Variants in KBTBD8 observed in about 807,000 individuals in gnomAD.
KBTBD8 encodes kelch repeat and BTB domain containing 8.
Under a neutral mutation model 53.5 loss-of-function variants are expected in KBTBD8, and 31 were observed. That is an observed-to-expected ratio of 0.58 (90% CI 0.44 to 0.78). KBTBD8 has a LOEUF of 0.78. Ranked by LOEUF, KBTBD8 falls within the 30% of genes least tolerant of loss-of-function variation. The pLI is 0.00. For synonymous variants in KBTBD8, 250 were observed against 247.3 expected (o/e 1.01, Z -0.10); for missense variants, 642 against 735.8 (o/e 0.87, Z 1.48).
At chr3:67,002,597 G>A (rs960170483) in intron 2 of KBTBD8, among the ~76,000 whole-genome samples, 6 of 145,338 alleles carry the variant, frequency 4.1e-5, no homozygotes, top group African/African-American at 1.5e-4. Context: ...CCGCCTTCCG[G>A]GTTCAAGCGA....
rs779419661 is a variant in KBTBD8, at chr3:67,008,451, G to C, written c.*66G>C. On this transcript the variant is annotated 3_prime_UTR_variant, in exon 4 of 4. Transcript: ENST00000417314. ...TAGGAAACTTGTCTTTGATACAAAA[G>C]AGTGCTGACAGTATTTCAGAAAGCT... 9 of 1,117,764 alleles carry C rather than the reference G, an allele frequency of 8.1e-6. No homozygotes were observed. The highest frequency in any genetic ancestry group is 1.2e-5 in the Non-Finnish European group (9 of 777,872). 69.2% of individuals were successfully genotyped at this position (1,117,764 alleles called of 1,614,324 possible). A position where few individuals can be genotyped will look rare whatever the true frequency, so the allele number is the denominator to read the frequency against.
At position 67,003,273 on chromosome 3, in the gene KBTBD8, T is replaced by C; in HGVS notation, c.306T>C (p.Asp102=). 1 of 1,614,088 alleles carries C rather than the reference T, an allele frequency of 6.2e-7. No individual in the cohort carries two copies. The highest frequency in any genetic ancestry group is 8.5e-7 in the Non-Finnish European group (1 of 1,179,956). Residue 102 remains aspartate (D), a synonymous_variant, in exon 3 of 4, where the codon GAT becomes GAC. Coordinates refer to ENST00000417314, the MANE Select transcript of KBTBD8 (RefSeq NM_032505.3). Reference sequence around the variant, plus strand: ...TTGGTGTTGAAGCTGAATCGATGGATTTAGTGTTGAACTATGCCTACACTT... The same window carrying C: ...TTGGTGTTGAAGCTGAATCGATGGACTTAGTGTTGAACTATGCCTACACTT... ...RIVGVEAESM[D]LVLNYAYTSR... is the part of the protein sequence containing the mutation.
In KBTBD8 at chr3:67,004,299, T is replaced by C. The variant is rs148572675; in HGVS notation, c.1332T>C (p.Tyr444=). 1.6e-4 allele frequency: 266 copies of C among 1,612,880 alleles called. 1 individual carries two copies. In the African/African-American group the frequency reaches 3.1e-3, roughly 19 times the overall value. ...CTGTGGAGTACAAAGAGAAGATCTA[T>C]GTTTTACAGGGTAGGTGCCTAAGTG... ...HNAVEYKEKI[Y]VLQGEFFLFY... Residue 444 remains tyrosine, a synonymous_variant, in exon 3 of 4, where the codon TAT becomes TAC. Transcript: ENST00000417314.
rs1168376159 is a variant in KBTBD8, at chr3:66,999,253, T to G, written c.227+62T>G. 8.0e-6 allele frequency: 10 copies of G among 1,257,606 alleles called. No individual in the cohort carries two copies. The Admixed American group carries it at 1.7e-4, about 21-fold the overall frequency. 77.9% of individuals were successfully genotyped at this position (1,257,606 alleles called of 1,614,324 possible). ...CCAAGCTCCCTTTCCCCCTCAGTAT[T>G]GTCCACTTGATGTTTATATTGAGAT... On this transcript the variant is annotated intron_variant, in intron 2 of 3. Coordinates refer to ENST00000417314, the MANE Select transcript of KBTBD8 (RefSeq NM_032505.3).
rs1559556564 is a variant in KBTBD8, at chr3:67,003,640, C to T, written c.673C>T (p.Gln225Ter). Reference protein sequence around the residue: ...ESIIRWFEHEQNEREVHLPEI... With the variant: ...ESIIRWFEHE The stretch of plus-strand genomic sequence containing the variant: ...CATTATAAGGTGGTTTGAGCATGAA[C>T]AGAATGAAAGAGAAGTGCACCTTCC... The change falls in exon 3 of 4, where the codon CAG becomes TAG. Residue 225 changes from glutamine (Q) to a stop codon, truncating the protein, a stop_gained. Coordinates refer to ENST00000417314, the MANE Select transcript of KBTBD8 (RefSeq NM_032505.3). LOFTEE classifies it high-confidence loss of function. 6.2e-7 allele frequency: 1 copy of T among 1,614,028 alleles called. No homozygotes were observed.
Position 67,004,262 on chromosome 3 carries a change from A to C in KBTBD8, c.1295A>C (p.Glu432Ala). 1 of 1,614,214 alleles carries C rather than the reference A, an allele frequency of 6.2e-7. No individual in the cohort carries two copies. The highest frequency in any genetic ancestry group is 8.5e-7 in the Non-Finnish European group (1 of 1,180,026). The change falls in exon 3 of 4, where the codon GAA (glutamate) becomes GCA (alanine). Residue 432 changes from glutamate (E) to alanine (A), a missense_variant. Transcript: ENST00000417314. ...GTTTGCGCGATGCCAGTTGCAATGG[A>C]ATTTCATAATGCTGTGGAGTACAAA... ...TTVCAMPVAM[E>A]FHNAVEYKEK...
In KBTBD8 at chr3:67,007,904, TC is replaced by T. The variant is rs771609249; in HGVS notation, c.1343-17del. 54 of 1,381,664 alleles carry T rather than the reference TC, an allele frequency of 3.9e-5. No individual in the cohort carries two copies. The highest frequency in any genetic ancestry group is 4.9e-5 in the Non-Finnish European group (50 of 1,017,986). The allele number at this position is 1,381,664 out of a possible 1,614,324, so 85.6% of individuals were successfully genotyped here. ...CATAAAAATTTACATATTCTTGTTTTCTTTTTTTTTTTTTTAGGAGAATTTT... is the reference window on the plus strand; with the variant it reads ...CATAAAAATTTACATATTCTTGTTTTTTTTTTTTTTTTTTAGGAGAATTTT... On this transcript the variant is annotated splice_polypyrimidine_tract_variant and intron_variant, in intron 3 of 3. Coordinates refer to ENST00000417314, the MANE Select transcript of KBTBD8 (RefSeq NM_032505.3).
At chr3:67,005,010 TTC>T (rs1179943930) in intron 3 of KBTBD8, among the ~76,000 whole-genome samples, 3 of 152,214 alleles carry the variant, frequency 2.0e-5, no homozygotes, top group Non-Finnish European at 2.9e-5. Context: ...TTGTTTTGTT[TTC>T]TGTTTGTTTT....
Position 67,009,383 on chromosome 3 carries a change from G to T in KBTBD8, c.*998G>T, listed in dbSNP as rs1434412726. 1 of 152,524 alleles carries T rather than the reference G, an allele frequency of 6.6e-6. No homozygotes were observed. The highest frequency in any genetic ancestry group is 1.5e-5 in the Non-Finnish European group (1 of 67,982). 9.4% of individuals were successfully genotyped at this position (152,524 alleles called of 1,614,324 possible). ...TCCATCTACCTGTCCATTCATTATT[G>T]GTACAAGGAAAGGTAACTTATTTCT... On this transcript the variant is annotated 3_prime_UTR_variant, in exon 4 of 4. Transcript: ENST00000417314.
At position 67,003,797 on chromosome 3, in the gene KBTBD8, C is replaced by T. The variant is rs1702039412; in HGVS notation, c.830C>T (p.Thr277Ile). Residue 277 changes from threonine (T) to isoleucine (I), a missense_variant, in exon 3 of 4, where the codon ACA becomes ATA. Coordinates refer to ENST00000417314, the MANE Select transcript of KBTBD8 (RefSeq NM_032505.3). ...EKGPSNTNGC[T>I]QRLGMTASEM... ...GGACCATCCAACACCAATGGCTGTA[C>T]ACAGAGGCTTGGAATGACTGCTTCT... The T allele has an allele frequency of 6.2e-7, 1 of 1,614,186 alleles. No homozygotes were observed. Among genetic ancestry groups the T allele is most frequent in the Non-Finnish European group, 8.5e-7 (1 of 1,180,032 alleles).
chr3:66,998,910 A>T (rs1348831205), intron 1 of KBTBD8, 71 bp from the exon 2 acceptor site: 13 of 1,227,990 alleles, frequency 1.1e-5, no homozygotes, highest in Middle Eastern at 2.5e-4. Flanking sequence ...GCAGACACAC[A>T]AACAGAAAAA....
intron 2 of KBTBD8, among the ~76,000 whole-genome samples, chr3:67,000,431 A>G (rs1412049482): frequency 3.3e-5 from 5 of 152,220 alleles, no homozygotes; most frequent in Admixed American, 3.3e-4. Context: ...CACAGTTACT[A>G]CTTATCAAGC....
At position 67,003,525 on chromosome 3, in the gene KBTBD8, A is replaced by T; in HGVS notation, c.558A>T (p.Gln186His). ...AGTTTCTGTGTGTCACCAAAGAACA[A>T]GAGTTTCTCCAGTTGACAAAAGACC... Reference protein sequence around the residue: ...RKKFLCVTKEQEFLQLTKDQL... With the variant: ...RKKFLCVTKEHEFLQLTKDQL... Residue 186 changes from glutamine to histidine, a missense_variant, in exon 3 of 4, where the codon CAA (glutamine) becomes CAT (histidine). Gln to His is a conservative substitution (Grantham distance 24). Coordinates refer to ENST00000417314, the MANE Select transcript of KBTBD8 (RefSeq NM_032505.3). 6.2e-7 allele frequency: 1 copy of T among 1,614,136 alleles called. No homozygotes were observed. Among genetic ancestry groups the T allele is most frequent in the South Asian group, 1.1e-5 (1 of 91,086 alleles).
intron 1 of KBTBD8, 44 bp downstream of exon 1, chr3:66,998,415 G>A (rs377332689): frequency 7.7e-5 from 97 of 1,262,684 alleles, no homozygotes; most frequent in Non-Finnish European, 8.9e-5. Context: ...GAGGTGAGGG[G>A]GAAGGTGGGC....
At position 67,003,302 on chromosome 3, in the gene KBTBD8, G is replaced by GA; in HGVS notation, c.336dup (p.Val113SerfsTer16). ...GTGTTGAACTATGCCTACACTTCCA[G>GA]AGTTATTCTTACAGAGGCCAATGTT... On this transcript the variant is annotated frameshift_variant, in exon 3 of 4. Coordinates refer to ENST00000417314, the MANE Select transcript of KBTBD8 (RefSeq NM_032505.3). LOFTEE classifies it high-confidence loss of function. 6.2e-7 allele frequency: 1 copy of GA among 1,614,174 alleles called. No individual in the cohort carries two copies. Among genetic ancestry groups the GA allele is most frequent in the Non-Finnish European group, 8.5e-7 (1 of 1,180,034 alleles).
chr3:67,010,068 C>G lies in KBTBD8; in HGVS notation c.*1683C>G, dbSNP rs531852884. On this transcript the variant is annotated 3_prime_UTR_variant, in exon 4 of 4. Coordinates refer to ENST00000417314, the MANE Select transcript of KBTBD8 (RefSeq NM_032505.3). Reference sequence around the variant, plus strand: ...TAGAATTAACATTTTAAAATCTAGTCTTAGCTAGATATGTGGTTTCTTCTT... The same window carrying G: ...TAGAATTAACATTTTAAAATCTAGTGTTAGCTAGATATGTGGTTTCTTCTT... 77 of 152,630 alleles carry G rather than the reference C, an allele frequency of 5.0e-4. 1 individual carries two copies. The highest frequency in any genetic ancestry group is 1.8e-3 in the African/African-American group (76 of 41,548). The allele number at this position is 152,630 out of a possible 1,614,324, so 9.5% of individuals were successfully genotyped here.
At position 66,998,388 on chromosome 3, in the gene KBTBD8, C is replaced by A; in HGVS notation, c.16+17C>A. The A allele has an allele frequency of 7.7e-7, 1 of 1,290,702 alleles. No individual in the cohort carries two copies. Among genetic ancestry groups the A allele is most frequent in the Non-Finnish European group, 9.9e-7 (1 of 1,011,236 alleles). The allele number at this position is 1,290,702 out of a possible 1,614,324, so 80.0% of individuals were successfully genotyped here. ...CGTCGGCAGGTGGGTCGTGTGGTGG[C>A]CAGGGCGGCGTGGAGGGAGGTGAGG... On this transcript the variant is annotated intron_variant, in intron 1 of 3. Transcript: ENST00000417314.
In KBTBD8 at chr3:67,010,859, A is replaced by G. The variant is rs560245376; in HGVS notation, c.*2474A>G. The G allele has an allele frequency of 8.5e-5, 13 of 152,626 alleles. No individual in the cohort carries two copies. Among genetic ancestry groups the G allele is most frequent in the Non-Finnish European group, 1.9e-4 (13 of 68,026 alleles). The allele number at this position is 152,626 out of a possible 1,614,324, so 9.5% of individuals were successfully genotyped here. A position where few individuals can be genotyped will look rare whatever the true frequency, so the allele number is the denominator to read the frequency against. On this transcript the variant is annotated 3_prime_UTR_variant, in exon 4 of 4. Coordinates refer to ENST00000417314, the MANE Select transcript of KBTBD8 (RefSeq NM_032505.3). ...AAGAATGTATGTAGCACTTTCCTAT[A>G]TATTTGTCACACATTGAAAACTGGA...
chr3:67,004,930 A>G (rs887696049), intron 3 of KBTBD8, among the ~76,000 whole-genome samples: 3 of 152,166 alleles, frequency 2.0e-5, no homozygotes, highest in African/African-American at 4.8e-5. Context: ...TTCACCGGAA[A>G]ACTTTGAGAT....
Sources: allele counts gnomAD v4.1 joint callset (sites outside exome capture counted in the v4.1 genomes callset), GRCh38; gene constraint gnomAD v4.1.1; transcripts MANE v1.5; gene names NCBI Gene and HGNC (gene_info 2026-07-23, HGNC 2026-07-21).